TMEM74: variants seen among roughly 807,000 people sequenced by gnomAD.
TMEM74 encodes transmembrane protein 74.
TMEM74 carries 13 observed loss-of-function variants against 18.1 expected under a neutral mutation model. The observed-to-expected ratio is 0.72, with a 90% CI of 0.47 to 1.14. TMEM74 has a LOEUF of 1.14. TMEM74 is among the 50% of genes most tolerant of loss of function. The probability of loss-of-function intolerance (pLI) is 0.00; values close to 1 mark genes in which losing one functional copy is unlikely to be tolerated. For synonymous variants in TMEM74, 159 were observed against 146.6 expected, an observed-to-expected ratio of 1.08 and a Z score of -0.61; for missense variants, 372 against 375.9, an observed-to-expected ratio of 0.99 and a Z score of 0.09.
intron 1 of TMEM74, among the ~76,000 whole-genome samples, chr8:108,746,991 G>A (rs1490679811): frequency 4.6e-5 from 7 of 152,090 alleles, no homozygotes; most frequent in African/African-American, 1.7e-4. Flanking sequence ...TAAGTAAATT[G>A]TCTTGAGTTC....
chr8:108,664,136 AAATAG>A (rs1411068445), intron 1 of TMEM74, among the ~76,000 whole-genome samples: 2 of 151,822 alleles, frequency 1.3e-5, no homozygotes, highest in Non-Finnish European at 2.9e-5. Flanking sequence ...AGATAAAATA[AAATAG>A]GTTTTTCAAA....
intron 1 of TMEM74, among the ~76,000 whole-genome samples, chr8:108,702,803 C>G (rs1330003015): frequency 1.5e-5 from 2 of 136,072 alleles, no homozygotes; most frequent in Non-Finnish European, 1.5e-5. Context: ...GATACTATAT[C>G]AAAAAGACAA....
chr8:108,647,525 G>GA (rs540876874), intron 2 of TMEM74, among the ~76,000 whole-genome samples: 35 of 149,996 alleles, frequency 2.3e-4, no homozygotes, highest in African/African-American at 7.8e-4. Context: ...TTTAAAGTAG[G>GA]AAAAAAAAAG....
At chr8:108,725,003 AT>A (rs1212407654) in intron 1 of TMEM74, among the ~76,000 whole-genome samples, 1 of 152,140 alleles carries the variant, frequency 6.6e-6, no homozygotes, top group African/African-American at 2.4e-5. Context: ...CAGCCTGGGC[AT>A]TTCTCACTGT....
At chr8:108,726,789 G>C (rs901968743) in intron 1 of TMEM74, among the ~76,000 whole-genome samples, 1 of 151,962 alleles carries the variant, frequency 6.6e-6, no homozygotes, top group Non-Finnish European at 1.5e-5. Context: ...CATGCTGGAG[G>C]GTTGAGGTGA....
intron 2 of TMEM74, among the ~76,000 whole-genome samples, chr8:108,649,451 TC>T (rs1340835323): frequency 6.6e-6 from 1 of 152,176 alleles, no homozygotes; most frequent in Non-Finnish European, 1.5e-5. Flanking sequence ...TTTGTGATGC[TC>T]TGGAAAACTT....
intron 1 of TMEM74, among the ~76,000 whole-genome samples, chr8:108,768,948 T>G (rs1341787557): frequency 1.3e-5 from 2 of 152,092 alleles, no homozygotes; most frequent in African/African-American, 4.8e-5. Flanking sequence ...TATGCAAGGT[T>G]TGAAGATATT....
At chr8:108,754,542 T>C (rs1351328580) in intron 1 of TMEM74, among the ~76,000 whole-genome samples, 1 of 151,940 alleles carries the variant, frequency 6.6e-6, no homozygotes. Context: ...GATTCTGCCT[T>C]GCTAGCAGAC....
rs553258535 is a variant in TMEM74 at position 108,785,095 on chromosome 8, C to T, written c.4G>A (p.Glu2Lys). The T allele has an allele frequency of 1.3e-6, 2 of 1,589,986 alleles. No individual in the cohort carries two copies. Among genetic ancestry groups the T allele is most frequent in the African/African-American group, 2.7e-5 (2 of 74,016 alleles). The change falls in exon 2 of 2, where the codon GAG (glutamate) becomes AAG (lysine). Residue 2 changes from glutamate (E) to lysine (K), a missense_variant. Physicochemically the swap from Glu to Lys is moderately conservative, Grantham distance 56. Transcript: ENST00000297459. Reference protein sequence around the residue: MELHYLAKKSNQ... With the variant: MKLHYLAKKSNQ... ...CTCTTCTTAGCAAGGTAGTGGAGCT[C>T]CATGAGAGCTAGTCAGACATCCCCC...
chr8:108,733,968 C>T (rs1434214776), intron 1 of TMEM74, among the ~76,000 whole-genome samples: 2 of 152,148 alleles, frequency 1.3e-5, no homozygotes, highest in Non-Finnish European at 2.9e-5. Flanking sequence ...TCACTCTTCT[C>T]GTGATGGTTA....
intron 1 of TMEM74, among the ~76,000 whole-genome samples, chr8:108,658,585 G>A (rs3019405): frequency 2.0e-5 from 3 of 152,132 alleles, no homozygotes; most frequent in Admixed American, 6.6e-5. Context: ...TGATGACAAG[G>A]ATTATGAGGA....
In TMEM74 at chr8:108,783,107, AT is replaced by A. The variant is rs201056166; in HGVS notation, c.*1073del. On this transcript the variant is annotated 3_prime_UTR_variant, in exon 2 of 2. Coordinates refer to ENST00000297459, the MANE Select transcript of TMEM74 (RefSeq NM_153015.3). ...TGTATTGAATCTCTCTTTCCATTTT[AT>A]TTTTTTTTGGCTTTGGGCTTAAGGA... Among the ~76,000 whole-genome samples the A allele has an allele frequency of 3.3e-5, 5 of 150,578 alleles. No individual in the cohort carries two copies. Among genetic ancestry groups the A allele is most frequent in the African/African-American group, 9.7e-5 (4 of 41,058 alleles).
rs908102751 is a variant in TMEM74, at chr8:108,784,732, G to A, written c.367C>T (p.Arg123Trp). 6 of 1,614,006 alleles carry A rather than the reference G, an allele frequency of 3.7e-6. No individual in the cohort carries two copies. The highest frequency in any genetic ancestry group is 2.7e-5 in the African/African-American group (2 of 74,888). Residue 123 changes from arginine to tryptophan, a missense_variant, in exon 2 of 2, where the codon CGG (arginine) becomes TGG (tryptophan). Coordinates refer to ENST00000297459, the MANE Select transcript of TMEM74 (RefSeq NM_153015.3). ...YVDKNINLEQ[R>W]NRSSPSAKGH... Reference sequence around the variant, plus strand: ...TTTGCTGATGGCGAGCTCCGGTTCCGCTGCTCCAAGTTGATGTTTTTGTCC... The same window carrying A: ...TTTGCTGATGGCGAGCTCCGGTTCCACTGCTCCAAGTTGATGTTTTTGTCC...
At chr8:108,728,668 A>G (rs186274267) in intron 1 of TMEM74, among the ~76,000 whole-genome samples, 5 of 152,246 alleles carry the variant, frequency 3.3e-5, no homozygotes, top group Non-Finnish European at 2.9e-5. Flanking sequence ...TGTTAGTAAA[A>G]TTTTCCTTTT....
chr8:108,771,874 TGTTAA>T (rs767217421), intron 1 of TMEM74, among the ~76,000 whole-genome samples: 1 of 152,144 alleles, frequency 6.6e-6, no homozygotes, highest in Non-Finnish European at 1.5e-5. Flanking sequence ...AGATACATAC[TGTTAA>T]GTTATGTTCC....
chr8:108,774,889 A>G (rs191205894), downstream of TMEM74, among the ~76,000 whole-genome samples: 3 of 151,728 alleles, frequency 2.0e-5, no homozygotes, highest in Admixed American at 2.0e-4. Context: ...GTGAGCCACA[A>G]CACTTGGCTA....
At chr8:108,764,000 C>T (rs1814074083) in intron 1 of TMEM74, among the ~76,000 whole-genome samples, 1 of 152,042 alleles carries the variant, frequency 6.6e-6, no homozygotes, top group African/African-American at 2.4e-5. Context: ...GGATTTTTAC[C>T]TCCTTTTTTT....
At chr8:108,652,916 A>C (rs1199843250) in intron 2 of TMEM74, 1 of 388,594 alleles carries the variant, frequency 2.6e-6, no homozygotes, top group East Asian at 7.1e-5. Flanking sequence ...GCCCTGTGTG[A>C]AGAGCGAAGA....
chr8:108,708,960 A>T (rs976177066), intron 1 of TMEM74, among the ~76,000 whole-genome samples: 4 of 152,200 alleles, frequency 2.6e-5, no homozygotes, highest in Non-Finnish European at 5.9e-5. Context: ...TTAAAAATGC[A>T]AATCAAAACT....
Sources: allele counts gnomAD v4.1 joint callset (sites outside exome capture counted in the v4.1 genomes callset), GRCh38; gene constraint gnomAD v4.1.1; transcripts MANE v1.5; gene names NCBI Gene and HGNC (gene_info 2026-07-23, HGNC 2026-07-21).